The following LRRC43 variants were observed in gnomAD, a reference collection of about 807,000 sequenced individuals.
The protein encoded by LRRC43 is leucine rich repeat containing 43.
LRRC43 carries 62 observed loss-of-function variants against 64.3 expected under a neutral mutation model. The observed-to-expected ratio is 0.96, with a 90% confidence interval of 0.79 to 1.19. The LOEUF (loss-of-function observed/expected upper bound fraction) is 1.19. LRRC43 is among the 50% of genes most tolerant of loss of function. The pLI is 0.00. For synonymous variants in LRRC43, 422 were observed against 382.3 expected, an observed-to-expected ratio of 1.10 and a Z score of -1.21; for missense variants, 868 against 845.0, an observed-to-expected ratio of 1.03 and a Z score of -0.34.
chr12:122,202,071 C>G (rs944017827), intron 11 of LRRC43: 1 of 152,258 alleles, frequency 6.6e-6, no homozygotes, highest in African/African-American at 2.4e-5. Context: ...TGGCAGTGAG[C>G]TGAGATCGCG....
intron 7 of LRRC43, among the ~76,000 whole-genome samples, chr12:122,193,658 G>A (rs544361247): frequency 1.3e-5 from 2 of 152,194 alleles, no homozygotes; most frequent in East Asian, 1.9e-4. Flanking sequence ...TCCATCTCCC[G>A]GATTCAAGCA....
rs2136029940 is a variant in LRRC43 at position 122,184,590 on chromosome 12, G to A, written c.222G>A (p.Val74=). The A allele has an allele frequency of 1.2e-6, 2 of 1,613,942 alleles. No homozygotes were observed. Among genetic ancestry groups the A allele is most frequent in the East Asian group, 2.2e-5 (1 of 44,878 alleles). The change falls in exon 2 of 12, where the codon GTG becomes GTA. Residue 74 remains valine (V), a synonymous_variant. Transcript: ENST00000339777. This position sits in a 1 kb window ranked among gnomAD's most constrained non-coding sequence, Gnocchi z 4.0. The part of the protein sequence containing the change: ...RELVPREEDV[V]SPGEETVEAL... ...TTGTCCCCAGAGAGGAGGATGTGGT[G>A]AGCCCCGGAGAGGAGACGGTGGAGG...
chr12:122,193,851 C>T (rs60983785), intron 7 of LRRC43, among the ~76,000 whole-genome samples: 1,558 of 152,298 alleles, frequency 0.01, 28 homozygotes, highest in African/African-American at 0.036. Flanking sequence ...TCAGCCATCG[C>T]GCCCAGCCTG....
chr12:122,203,415 G>GGA lies in LRRC43; in HGVS notation c.1946_1947dup (p.Ala650ArgfsTer?). 6.2e-7 allele frequency: 1 copy of GGA among 1,612,098 alleles called. No individual in the cohort carries two copies. The highest frequency in any genetic ancestry group is 8.5e-7 in the Non-Finnish European group (1 of 1,179,700). ...AGCTGAACCAGTGCCGCTCGGCGGAGGAGGCTCTGCGCATGTTCGCCGTGT... is the reference window on the plus strand; with the variant it reads ...AGCTGAACCAGTGCCGCTCGGCGGAGGAGAGGCTCTGCGCATGTTCGCCGTGT... On this transcript the variant is annotated frameshift_variant, in exon 12 of 12. Coordinates refer to ENST00000339777, the MANE Select transcript of LRRC43 (RefSeq NM_001098519.2). LOFTEE classifies it high-confidence loss of function.
intron 7 of LRRC43, among the ~76,000 whole-genome samples, chr12:122,199,606 G>C (rs1223181514): frequency 6.6e-6 from 1 of 151,324 alleles, no homozygotes; most frequent in African/African-American, 2.4e-5. Context: ...TCTCCTGCAG[G>C]AGGGTCTCAC....
chr12:122,184,433 T>C lies in LRRC43; in HGVS notation c.151-86T>C, dbSNP rs1953616763. ...CTAAACTCTATCCCTAATCGTCCAG[T>C]TTTATGATCTGTTCTGTTTTGAGAG... is the stretch of plus-strand genomic sequence containing the variant. On this transcript the variant is annotated intron_variant, in intron 1 of 11. Coordinates refer to ENST00000339777, the MANE Select transcript of LRRC43 (RefSeq NM_001098519.2). This position sits in a 1 kb window ranked among gnomAD's most constrained non-coding sequence, Gnocchi z 4.0. 9 of 1,490,730 alleles carry C rather than the reference T, an allele frequency of 6.0e-6. No homozygotes were observed. Among genetic ancestry groups the C allele is most frequent in the Non-Finnish European group, 8.1e-6 (9 of 1,105,710 alleles). 92.3% of individuals were successfully genotyped at this position (1,490,730 alleles called of 1,614,324 possible).
chr12:122,200,884 A>G lies in LRRC43; in HGVS notation c.1759A>G (p.Asn587Asp). 6.2e-7 allele frequency: 1 copy of G among 1,612,574 alleles called. No individual in the cohort carries two copies. The highest frequency in any genetic ancestry group is 1.3e-5 in the African/African-American group (1 of 75,014). ...GGAGCCCCTGGTGTCCACCGTGTGC[A>G]ACTTCGGCGTGGTCCGCACATTGAC... ...AGEPLVSTVC[N>D]FGVVRTLTSD... The change falls in exon 10 of 12, where the codon AAC becomes GAC. Residue 587 changes from asparagine (N) to aspartate (D), a missense_variant. Physicochemically the swap from Asn to Asp is conservative, Grantham distance 23 (BLOSUM62 1). Coordinates refer to ENST00000339777, the MANE Select transcript of LRRC43 (RefSeq NM_001098519.2). The surrounding 1 kb of genome is among the most constrained non-coding windows in gnomAD (Gnocchi z 4.6).
chr12:122,200,309 C>T lies in LRRC43; in HGVS notation c.1470C>T (p.Thr490=), dbSNP rs747822439. ...PLKAFLLAGT[T]VTIVEEKILS... ...AGGCCTTCCTGCTGGCGGGGACCAC[C>T]GTGACCATCGTGGAGGAGAAGGTGG... Residue 490 remains threonine (T), a synonymous_variant, in exon 8 of 12, where the codon ACC becomes ACT. Coordinates refer to ENST00000339777, the MANE Select transcript of LRRC43 (RefSeq NM_001098519.2). This position sits in a 1 kb window ranked among gnomAD's most constrained non-coding sequence, Gnocchi z 4.6. 2.0e-5 allele frequency: 33 copies of T among 1,611,154 alleles called. No individual in the cohort carries two copies. The highest frequency in any genetic ancestry group is 1.6e-4 in the Middle Eastern group (1 of 6,084).
intron 11 of LRRC43, chr12:122,202,433 T>C (rs943496079): frequency 6.6e-6 from 1 of 152,338 alleles, no homozygotes; most frequent in African/African-American, 2.4e-5. Context: ...TTCTTAAAGG[T>C]TGTTACAATG....
chr12:122,183,483 C>G (rs1294177778), intron 1 of LRRC43, among the ~76,000 whole-genome samples, 189 bp downstream of exon 1: 20 of 152,116 alleles, frequency 1.3e-4, no homozygotes, highest in Admixed American at 1.3e-3. Context: ...GGGAGGAGAG[C>G]GGGGCCCGTC....
upstream of LRRC43, chr12:122,183,067 G>A (rs1241237741): frequency 7.4e-6 from 11 of 1,486,838 alleles, no homozygotes; most frequent in East Asian, 2.7e-5. Context: ...TTTTCCCTCG[G>A]GGCAGGTGAG....
chr12:122,193,147 G>C (rs1953738390), intron 7 of LRRC43, 143 bp downstream of exon 7: 1 of 767,614 alleles, frequency 1.3e-6, no homozygotes, highest in African/African-American at 1.8e-5. Context: ...TTGGGAGGCA[G>C]AGGCGGGCGG....
upstream of LRRC43, among the ~76,000 whole-genome samples, chr12:122,180,031 T>C (rs1181600449): frequency 6.7e-6 from 1 of 148,910 alleles, no homozygotes; most frequent in Non-Finnish European, 1.5e-5. Flanking sequence ...CATGTTGTCA[T>C]GGAATAAGAT....
intron 7 of LRRC43, among the ~76,000 whole-genome samples, chr12:122,194,104 T>C (rs902756259): frequency 1.3e-5 from 2 of 152,130 alleles, no homozygotes; most frequent in Non-Finnish European, 2.9e-5. Flanking sequence ...TAAATATTAA[T>C]TTTATTATAA....
At chr12:122,194,976 A>G (rs957282089) in intron 7 of LRRC43, among the ~76,000 whole-genome samples, 1 of 152,136 alleles carries the variant, frequency 6.6e-6, no homozygotes, top group Admixed American at 6.5e-5. Flanking sequence ...CTACATGATT[A>G]CCTTTATTGG....
At chr12:122,189,994 C>T (rs570626802) in intron 4 of LRRC43, 136 bp from the exon 5 acceptor site, 1 of 756,298 alleles carries the variant, frequency 1.3e-6, no homozygotes, top group African/African-American at 1.7e-5. Flanking sequence ...TAACTTGGGT[C>T]AAGGGTAGGA....
At chr12:122,172,457 G>C in intron 1 of LRRC43, 1 of 1,614,090 alleles carries the variant, frequency 6.2e-7, no homozygotes, top group Non-Finnish European at 8.5e-7. Flanking sequence ...ATTTTAGTGC[G>C]AGGTCCATGC....
At chr12:122,183,402 T>G (rs2136027567) in intron 1 of LRRC43, 108 bp downstream of exon 1, 3 of 1,218,098 alleles carry the variant, frequency 2.5e-6, no homozygotes, top group Non-Finnish European at 3.2e-6. Context: ...CTGCGCATTC[T>G]GGGGGCCGCC....
Position 122,192,973 on chromosome 12 carries a change from C to T in LRRC43, c.1318C>T (p.Arg440Cys), listed in dbSNP as rs772703951. Residue 440 changes from arginine (R) to cysteine (C), a missense_variant, in exon 7 of 12, where the codon CGT becomes TGT. Transcript: ENST00000339777. Reference protein sequence around the residue: ...SAEELAKLRLRIDPRLCPSPG... With the variant: ...SAEELAKLRLCIDPRLCPSPG... ...AGAAGAGCTGGCCAAGTTGAGGCTG[C>T]GTATAGATCCCCGGCTCTGCCCGTC... is the stretch of plus-strand genomic sequence containing the variant. 14 of 1,613,806 alleles carry T rather than the reference C, an allele frequency of 8.7e-6. No homozygotes were observed. In the Admixed American group the frequency reaches 1.3e-4, roughly 15 times the overall value.
Sources: allele counts gnomAD v4.1 joint callset (sites outside exome capture counted in the v4.1 genomes callset), GRCh38; gene constraint gnomAD v4.1.1; non-coding constraint Gnocchi (gnomAD v3.1); transcripts MANE v1.5; gene names NCBI Gene and HGNC (gene_info 2026-07-23, HGNC 2026-07-21).